CPED1: variants seen among roughly 807,000 people sequenced by gnomAD.
The protein encoded by CPED1 is cadherin like and PC-esterase domain containing 1.
A neutral mutation model predicts 128.2 loss-of-function variants in CPED1; 114 were observed. That is an observed-to-expected ratio of 0.89 (90% CI 0.76 to 1.04). The LOEUF is 1.04. Ranked by LOEUF, CPED1 falls within the 50% of genes least tolerant of loss-of-function variation. CPED1 has a pLI of 0.00. For synonymous variants in CPED1, 462 were observed against 426.7 expected (o/e 1.08, Z -1.02); for missense variants, 1,211 against 1,207.1 (o/e 1.00, Z -0.05).
At chr7:121,034,666 G>C (rs900982726) in intron 3 of CPED1, among the ~76,000 whole-genome samples, 1 of 152,088 alleles carries the variant, frequency 6.6e-6, no homozygotes, top group Non-Finnish European at 1.5e-5. Flanking sequence ...GCATTACAAA[G>C]GTAAGACCTT....
chr7:121,018,769 G>A (rs551151413), intron 3 of CPED1, among the ~76,000 whole-genome samples: 2 of 152,024 alleles, frequency 1.3e-5, no homozygotes, highest in Admixed American at 6.6e-5. Flanking sequence ...TACTTGAAGA[G>A]TAGTACATAT....
intron 21 of CPED1, among the ~76,000 whole-genome samples, chr7:121,270,296 G>A (rs922670965): frequency 3.9e-5 from 6 of 152,228 alleles, no homozygotes; most frequent in African/African-American, 1.4e-4. Context: ...AACTTTGTCA[G>A]ATCCATAGTT....
chr7:121,135,406 T>C (rs1196149407), intron 13 of CPED1, among the ~76,000 whole-genome samples: 1 of 152,068 alleles, frequency 6.6e-6, no homozygotes, highest in African/African-American at 2.4e-5. Context: ...AATTCAGATC[T>C]ACTCAGTCAG....
chr7:121,056,051 T>C (rs1263181124), intron 4 of CPED1, among the ~76,000 whole-genome samples: 1 of 152,044 alleles, frequency 6.6e-6, no homozygotes, highest in Non-Finnish European at 1.5e-5. Context: ...AAATAAATAA[T>C]GCATATGAAA....
At chr7:121,227,300 T>G (rs192701482) in intron 16 of CPED1, among the ~76,000 whole-genome samples, 2 of 152,028 alleles carry the variant, frequency 1.3e-5, no homozygotes, top group African/African-American at 4.8e-5. Flanking sequence ...TGACAATAGC[T>G]TCAATCAGAA....
intron 18 of CPED1, among the ~76,000 whole-genome samples, 199 bp from the exon 19 acceptor site, chr7:121,266,028 G>C (rs990466165): frequency 1.3e-5 from 2 of 152,042 alleles, no homozygotes; most frequent in Admixed American, 1.3e-4. Context: ...GTAGGTGATG[G>C]CATTACTAAG....
intron 4 of CPED1, chr7:121,051,446 T>G: frequency 2.0e-6 from 1 of 495,184 alleles, no homozygotes; most frequent in South Asian, 1.6e-5. Context: ...TGTGGGATAT[T>G]GAATTATGGG....
chr7:121,098,793 A>AT (rs1794766673), intron 6 of CPED1, among the ~76,000 whole-genome samples: 7 of 124,474 alleles, frequency 5.6e-5, no homozygotes, highest in Non-Finnish European at 1.2e-4. Context: ...AATATATAAA[A>AT]ATATATATAA....
intron 2 of CPED1, among the ~76,000 whole-genome samples, chr7:121,008,842 C>A (rs1246537159): frequency 6.6e-6 from 1 of 152,152 alleles, no homozygotes. Context: ...TGCCTGTTAC[C>A]TAGAAAATGC....
At chr7:121,246,890 G>A (rs1160610041) in intron 18 of CPED1, among the ~76,000 whole-genome samples, 2 of 152,234 alleles carry the variant, frequency 1.3e-5, no homozygotes, top group Non-Finnish European at 2.9e-5. Context: ...TTATCTTTGT[G>A]ACTCTCCTAG....
intron 16 of CPED1, among the ~76,000 whole-genome samples, chr7:121,200,809 G>C (rs550240302): frequency 6.6e-6 from 1 of 152,184 alleles, no homozygotes; most frequent in East Asian, 1.9e-4. Flanking sequence ...AGCCCAAGAA[G>C]AGAAACAAAT....
chr7:121,024,078 C>T (rs1381514779), intron 3 of CPED1, among the ~76,000 whole-genome samples: 1 of 152,078 alleles, frequency 6.6e-6, no homozygotes, highest in Non-Finnish European at 1.5e-5. Flanking sequence ...TGGGTTATGA[C>T]ACACAGTAAT....
At chr7:121,279,971 C>T (rs974531438) in intron 22 of CPED1, among the ~76,000 whole-genome samples, 10 of 152,078 alleles carry the variant, frequency 6.6e-5, no homozygotes, top group Admixed American at 1.3e-4. Context: ...AATGACCCAC[C>T]GGAAGATCTT....
At chr7:121,172,233 T>C (rs983539773) in intron 16 of CPED1, among the ~76,000 whole-genome samples, 1 of 152,206 alleles carries the variant, frequency 6.6e-6, no homozygotes, top group African/African-American at 2.4e-5. Context: ...GCTTGAATGC[T>C]TGGAGAGACA....
At chr7:121,175,283 G>A (rs1796748535) in intron 16 of CPED1, among the ~76,000 whole-genome samples, 1 of 152,054 alleles carries the variant, frequency 6.6e-6, no homozygotes, top group African/African-American at 2.4e-5. Flanking sequence ...GGGCATCCTT[G>A]TCTTGTGACA....
chr7:121,245,788 T>G (rs914095739), intron 18 of CPED1, among the ~76,000 whole-genome samples: 3 of 151,566 alleles, frequency 2.0e-5, no homozygotes, highest in African/African-American at 7.3e-5. Flanking sequence ...CCTCCTAGGT[T>G]CAAGCGCGTC....
At chr7:121,111,964 G>A (rs1015634993) in intron 7 of CPED1, among the ~76,000 whole-genome samples, 3 of 152,164 alleles carry the variant, frequency 2.0e-5, no homozygotes, top group Admixed American at 6.5e-5. Flanking sequence ...GGCAGATGGT[G>A]GCTAAGCGAG....
chr7:121,170,299 G>T (rs1468308904), intron 16 of CPED1, among the ~76,000 whole-genome samples: 1 of 152,150 alleles, frequency 6.6e-6, no homozygotes, highest in South Asian at 2.1e-4. Flanking sequence ...CTTTAAGCAG[G>T]TTGCCTGTAC....
chr7:121,050,651 G>GACGGGGTT (rs1183016398), intron 4 of CPED1: 8 of 343,898 alleles, frequency 2.3e-5, no homozygotes, highest in Non-Finnish European at 4.6e-5. Context: ...TTTTAGTAGA[G>GACGGGGTT]ACGGGGTTTC....
Sources: gnomAD v4.1 joint callset for allele counts (sites outside exome capture counted in the v4.1 genomes callset) on GRCh38, gnomAD v4.1.1 for gene constraint, MANE v1.5 for transcripts, NCBI Gene and HGNC (gene_info 2026-07-23, HGNC 2026-07-21) for gene names.